The following BEND5 variants were observed in gnomAD, a reference collection of about 807,000 sequenced individuals.
BEND5 encodes the protein BEN domain containing 5.
BEND5 carries 22 observed loss-of-function variants against 43.9 expected under a neutral mutation model. The ratio of observed to expected loss-of-function variants is 0.50; its 90% CI spans 0.36 to 0.72. The LOEUF (loss-of-function observed/expected upper bound fraction) is 0.72. Among genes scored for constraint, BEND5 ranks in the 30% least tolerant of loss-of-function variants. BEND5 has a pLI of 0.00. For synonymous variants in BEND5, 228 were observed against 225.9 expected (o/e 1.01, Z -0.08); for missense variants, 428 against 550.6 (o/e 0.78, Z 2.23).
intron 1 of BEND5, 85 bp from the exon 2 acceptor site, chr1:48,761,555 A>G: frequency 4.4e-6 from 6 of 1,375,200 alleles, no homozygotes; most frequent in South Asian, 1.4e-5. Context: ...CTCAAATGCT[A>G]GAAAATAATT....
intron 5 of BEND5, among the ~76,000 whole-genome samples, chr1:48,729,816 G>T (rs1320657929): frequency 1.3e-5 from 2 of 151,248 alleles, no homozygotes; most frequent in Admixed American, 6.6e-5. Flanking sequence ...GCTTTTAATT[G>T]ACCTCGACCA....
intron 1 of BEND5, among the ~76,000 whole-genome samples, chr1:48,766,803 C>T (rs917937624): frequency 2.3e-4 from 35 of 152,148 alleles, no homozygotes; most frequent in Non-Finnish European, 3.7e-4. Flanking sequence ...GAGTGAGGGT[C>T]GGGAAGTCCC....
chr1:48,776,598 T>C lies in BEND5; in HGVS notation c.226+8A>G. On this transcript the variant is annotated splice_region_variant and intron_variant, in intron 1 of 5. Coordinates refer to ENST00000371833, the MANE Select transcript of BEND5 (RefSeq NM_024603.4). Reference sequence around the variant, plus strand: ...GGTCCCACCGTCCCTCCCCGCCCGCTTGCTCACCTGCCAGCGCCAGGATCT... The same window carrying C: ...GGTCCCACCGTCCCTCCCCGCCCGCCTGCTCACCTGCCAGCGCCAGGATCT... 7.3e-7 allele frequency: 1 copy of C among 1,372,158 alleles called. No individual in the cohort carries two copies. Among genetic ancestry groups the C allele is most frequent in the Non-Finnish European group, 9.4e-7 (1 of 1,059,966 alleles). 85.0% of individuals were successfully genotyped at this position (1,372,158 alleles called of 1,614,324 possible). A position where few individuals can be genotyped will look rare whatever the true frequency, so the allele number is the denominator to read the frequency against.
chr1:48,758,801 G>T, intron 3 of BEND5, 99 bp downstream of exon 3: 1 of 1,105,376 alleles, frequency 9.0e-7, no homozygotes, highest in South Asian at 1.8e-5. Context: ...CCTAGCCTCA[G>T]GGCACTTGGT....
At chr1:48,767,969 T>C (rs1455290953) in intron 1 of BEND5, among the ~76,000 whole-genome samples, 3 of 152,202 alleles carry the variant, frequency 2.0e-5, no homozygotes, top group Non-Finnish European at 4.4e-5. Flanking sequence ...AAACTCACTA[T>C]ATTTAATCCC....
intron 2 of BEND5, among the ~76,000 whole-genome samples, chr1:48,759,900 A>G (rs145933524): frequency 9.8e-5 from 15 of 152,330 alleles, no homozygotes; most frequent in African/African-American, 3.1e-4. Context: ...CAGAACTGGC[A>G]CTCAGTAGGG....
At chr1:48,754,066 C>T (rs1219835913) in intron 3 of BEND5, among the ~76,000 whole-genome samples, 1 of 152,174 alleles carries the variant, frequency 6.6e-6, no homozygotes, top group Admixed American at 6.5e-5. Flanking sequence ...CCTTGAGAGT[C>T]TTATTTGAAC....
intron 3 of BEND5, among the ~76,000 whole-genome samples, chr1:48,743,022 T>C (rs1650162762): frequency 6.6e-6 from 1 of 152,102 alleles, no homozygotes; most frequent in African/African-American, 2.4e-5. Context: ...TCTTCCAGGG[T>C]GTCATTGTCT....
chr1:48,750,246 C>T (rs1651474917), intron 3 of BEND5, among the ~76,000 whole-genome samples: 1 of 152,158 alleles, frequency 6.6e-6, no homozygotes, highest in South Asian at 2.1e-4. Flanking sequence ...GGGAAGTGCC[C>T]CCATGAACCA....
chr1:48,751,405 G>A (rs1651709315), intron 3 of BEND5, among the ~76,000 whole-genome samples: 1 of 152,182 alleles, frequency 6.6e-6, no homozygotes, highest in African/African-American at 2.4e-5. Flanking sequence ...GGGACTCTGT[G>A]ATCAGACTGC....
intron 4 of BEND5, among the ~76,000 whole-genome samples, chr1:48,739,889 A>C (rs910636915): frequency 1.3e-5 from 2 of 152,206 alleles, no homozygotes; most frequent in Non-Finnish European, 2.9e-5. Context: ...CTGCAGAGCT[A>C]AGTTCTATCC....
At chr1:48,756,797 G>A (rs1305292204) in intron 3 of BEND5, among the ~76,000 whole-genome samples, 1 of 152,214 alleles carries the variant, frequency 6.6e-6, no homozygotes, top group Non-Finnish European at 1.5e-5. Context: ...CAGGATGCCT[G>A]TAGCCCTGAG....
Position 48,776,651 on chromosome 1 carries a change from A to G in BEND5, c.181T>C (p.Trp61Arg). Residue 61 changes from tryptophan to arginine, a missense_variant, in exon 1 of 6, where the codon TGG becomes CGG. By Grantham distance (101) the Trp-to-Arg change is moderately radical (BLOSUM62 -3). Around this residue, in one of 4 missense-constraint regions of BEND5, gnomAD observed 107 missense variants for 98.8 expected, o/e 1.08. Coordinates refer to ENST00000371833, the MANE Select transcript of BEND5 (RefSeq NM_024603.4). ...PESPPRAPRDWGALLLHKAQI... is the reference protein window; with the variant it reads ...PESPPRAPRDRGALLLHKAQI... Reference sequence around the variant, plus strand: ...GCCTTGTGGAGCAACAGCGCGCCCCAGTCGCGGGGGGCGCGCGGGGGGCTC... The same window carrying G: ...GCCTTGTGGAGCAACAGCGCGCCCCGGTCGCGGGGGGCGCGCGGGGGGCTC... 1 of 1,483,246 alleles carries G rather than the reference A, an allele frequency of 6.7e-7. No individual in the cohort carries two copies. The highest frequency in any genetic ancestry group is 8.9e-7 in the Non-Finnish European group (1 of 1,119,542). 91.9% of individuals were successfully genotyped at this position (1,483,246 alleles called of 1,614,324 possible).
chr1:48,729,354 C>T (rs929160021), intron 5 of BEND5, among the ~76,000 whole-genome samples: 4 of 152,098 alleles, frequency 2.6e-5, no homozygotes, highest in African/African-American at 7.2e-5. Flanking sequence ...AGGACTAGGG[C>T]GTGGGTGGTG....
chr1:48,728,441 C>T (rs1294026321), intron 5 of BEND5, among the ~76,000 whole-genome samples: 2 of 147,016 alleles, frequency 1.4e-5, no homozygotes, highest in Non-Finnish European at 3.0e-5. Context: ...TTTCCATTTT[C>T]AATCTTTTTA....
At chr1:48,772,595 C>A (rs1317845940) in intron 1 of BEND5, among the ~76,000 whole-genome samples, 1 of 152,112 alleles carries the variant, frequency 6.6e-6, no homozygotes, top group African/African-American at 2.4e-5. Context: ...CTAAGGAGGG[C>A]TATGAATGCC....
chr1:48,734,799 C>T (rs1233543126), intron 5 of BEND5, among the ~76,000 whole-genome samples: 1 of 152,238 alleles, frequency 6.6e-6, no homozygotes, highest in Non-Finnish European at 1.5e-5. Context: ...AGCAAGCTCA[C>T]AGTACCTGAA....
intron 1 of BEND5, among the ~76,000 whole-genome samples, chr1:48,772,654 A>G (rs999808750): frequency 6.6e-6 from 1 of 152,198 alleles, no homozygotes; most frequent in Non-Finnish European, 1.5e-5. Context: ...GAGCTACAGA[A>G]GGTTCTAATG....
intron 4 of BEND5, among the ~76,000 whole-genome samples, chr1:48,737,257 C>T (rs1356553064): frequency 1.3e-5 from 2 of 151,950 alleles, no homozygotes; most frequent in African/African-American, 4.8e-5. Context: ...GCACTCCAGT[C>T]TGGGAGACAG....
Sources: gnomAD v4.1 joint callset for allele counts (sites outside exome capture counted in the v4.1 genomes callset) on GRCh38, gnomAD v4.1.1 for gene constraint, gnomAD v4.1.1 regional missense constraint, MANE v1.5 for transcripts, NCBI Gene and HGNC (gene_info 2026-07-23, HGNC 2026-07-21) for gene names.